NPAS3: variants seen among roughly 807,000 people sequenced by gnomAD.
NPAS3 encodes the protein neuronal PAS domain protein 3.
Under a neutral mutation model 73.1 loss-of-function variants are expected in NPAS3, and 14 were observed. The ratio of observed to expected loss-of-function variants is 0.19; its 90% CI spans 0.13 to 0.30. The LOEUF (loss-of-function observed/expected upper bound fraction) is 0.30. Among genes scored for constraint, NPAS3 ranks in the 10% least tolerant of loss-of-function variants. The pLI, the probability that NPAS3 is intolerant of heterozygous loss-of-function variation, is 1.00. For missense variants in NPAS3, 1,096 were observed against 1,250.0 expected (o/e 0.88, Z 1.86); for synonymous variants, 620 against 541.5 (o/e 1.14, Z -2.01).
chr14:33,072,319 T>G (rs995748346), intron 2 of NPAS3, among the ~76,000 whole-genome samples: 2 of 152,244 alleles, frequency 1.3e-5, no homozygotes, highest in African/African-American at 2.4e-5. Flanking sequence ...GGACGTGATT[T>G]AAAATTTCAT....
chr14:33,123,320 TA>T (rs1466864805), intron 2 of NPAS3, among the ~76,000 whole-genome samples: 3 of 152,048 alleles, frequency 2.0e-5, no homozygotes, highest in African/African-American at 7.2e-5. Flanking sequence ...TACCTGCCAT[TA>T]ATAGGGACCA....
At chr14:32,980,572 CTTTACTTATGTT>C (rs895914529) in intron 1 of NPAS3, among the ~76,000 whole-genome samples, 1 of 151,932 alleles carries the variant, frequency 6.6e-6, no homozygotes, top group African/African-American at 2.4e-5. Flanking sequence ...TTAAATTATA[CTTTACTTATGTT>C]TTTCTTCTTG....
At chr14:33,134,107 G>A (rs1369489512) in intron 2 of NPAS3, among the ~76,000 whole-genome samples, 1 of 152,064 alleles carries the variant, frequency 6.6e-6, no homozygotes, top group Non-Finnish European at 1.5e-5. Context: ...AATGCAAATT[G>A]ACTGCTATTT....
chr14:32,974,313 T>A (rs2037563377), intron 1 of NPAS3, among the ~76,000 whole-genome samples: 2 of 152,210 alleles, frequency 1.3e-5, no homozygotes, highest in African/African-American at 4.8e-5. Flanking sequence ...GAGTTTGCTT[T>A]CCATTGGAAA....
At chr14:33,088,418 G>A (rs888312678) in intron 2 of NPAS3, among the ~76,000 whole-genome samples, 2 of 152,296 alleles carry the variant, frequency 1.3e-5, no homozygotes, top group South Asian at 2.1e-4. Context: ...AGGGTCCCAC[G>A]CCCACAGAGC....
chr14:33,093,607 T>C (rs916988114), intron 2 of NPAS3, among the ~76,000 whole-genome samples: 29 of 146,902 alleles, frequency 2.0e-4, no homozygotes, highest in Admixed American at 1.8e-3. Flanking sequence ...GACCCAGCCA[T>C]GCCATTACTG....
chr14:33,460,324 G>A (rs1169014761), intron 4 of NPAS3, among the ~76,000 whole-genome samples: 2 of 152,132 alleles, frequency 1.3e-5, no homozygotes, highest in Non-Finnish European at 2.9e-5. Flanking sequence ...TTGCACAGCC[G>A]TGAGGCAATC....
chr14:33,459,120 A>C (rs2050145396), intron 4 of NPAS3, among the ~76,000 whole-genome samples: 1 of 152,170 alleles, frequency 6.6e-6, no homozygotes, highest in African/African-American at 2.4e-5. Context: ...CTGTCATGAC[A>C]CTGATGGGAG....
chr14:33,352,739 T>G (rs747279181), intron 3 of NPAS3, among the ~76,000 whole-genome samples: 7 of 152,160 alleles, frequency 4.6e-5, no homozygotes, highest in Non-Finnish European at 1.0e-4. Context: ...GCTAGACATA[T>G]GCTGATACTA....
chr14:33,309,449 C>T (rs930839778), intron 3 of NPAS3, among the ~76,000 whole-genome samples: 5 of 152,188 alleles, frequency 3.3e-5, no homozygotes, highest in African/African-American at 1.2e-4. Flanking sequence ...ATGTTGATGT[C>T]CAGGAGGCTC....
At chr14:33,733,035 G>C (rs1244475771) in intron 6 of NPAS3, among the ~76,000 whole-genome samples, 2 of 152,144 alleles carry the variant, frequency 1.3e-5, no homozygotes, top group African/African-American at 4.8e-5. Context: ...TGGGTCAGGG[G>C]CTCCAGGACC....
chr14:33,427,206 G>A (rs888315003), intron 4 of NPAS3, among the ~76,000 whole-genome samples: 3 of 151,964 alleles, frequency 2.0e-5, no homozygotes, highest in African/African-American at 7.3e-5. Context: ...GCTATGGGAT[G>A]GTCCTTGTTT....
At chr14:33,720,378 G>A (rs2061073856) in intron 6 of NPAS3, among the ~76,000 whole-genome samples, 1 of 152,138 alleles carries the variant, frequency 6.6e-6, no homozygotes, top group Non-Finnish European at 1.5e-5. Context: ...GGGAAGGTTT[G>A]TTATCCAGGA....
intron 2 of NPAS3, among the ~76,000 whole-genome samples, chr14:33,087,973 G>A (rs1056816186): frequency 6.6e-6 from 1 of 152,202 alleles, no homozygotes; most frequent in Non-Finnish European, 1.5e-5. Flanking sequence ...CCACAAGTGA[G>A]GGGGGAGTCT....
At chr14:33,544,266 C>T (rs988509569) in intron 4 of NPAS3, among the ~76,000 whole-genome samples, 3 of 151,912 alleles carry the variant, frequency 2.0e-5, no homozygotes, top group Admixed American at 2.0e-4. Context: ...CCTTGGCCTC[C>T]CAAAGCACTG....
At chr14:33,560,093 A>G (rs751142676) in intron 4 of NPAS3, 28 bp from the exon 5 acceptor site, 2 of 817,572 alleles carry the variant, frequency 2.4e-6, no homozygotes, top group Non-Finnish European at 4.2e-6. Context: ...TTATTAATCT[A>G]TTTATATATT....
At chr14:33,021,157 G>A (rs1045941456) in intron 1 of NPAS3, among the ~76,000 whole-genome samples, 2 of 152,154 alleles carry the variant, frequency 1.3e-5, no homozygotes, top group African/African-American at 4.8e-5. Context: ...GAGAAGTAGA[G>A]GATGTTGCTT....
chr14:33,309,229 G>A (rs1048657028), intron 3 of NPAS3, among the ~76,000 whole-genome samples: 14 of 152,286 alleles, frequency 9.2e-5, no homozygotes, highest in Admixed American at 2.6e-4. Context: ...GAGAAGGCAG[G>A]AGAGGTTTGT....
chr14:33,289,821 CA>C (rs34641267), intron 3 of NPAS3, among the ~76,000 whole-genome samples: 45,197 of 141,988 alleles, frequency 0.32, 7,085 homozygotes, highest in East Asian at 0.46. Flanking sequence ...GACTCCGTCT[CA>C]AAAAAAAAAA....
Sources: allele counts gnomAD v4.1 joint callset (sites outside exome capture counted in the v4.1 genomes callset), GRCh38; gene constraint gnomAD v4.1.1; transcripts MANE v1.5; gene names NCBI Gene and HGNC (gene_info 2026-07-23, HGNC 2026-07-21).